The following CYP4A22 variants were observed in gnomAD, a reference collection of about 807,000 sequenced individuals.
CYP4A22 encodes cytochrome P450 4A22.
Under a neutral mutation model 56.2 loss-of-function variants are expected in CYP4A22, and 46 were observed. The observed-to-expected ratio is 0.82, with a 90% confidence interval of 0.65 to 1.05. The LOEUF (loss-of-function observed/expected upper bound fraction) is 1.05. Among genes scored for constraint, CYP4A22 ranks in the 50% least tolerant of loss-of-function variants. The pLI, the probability that CYP4A22 is intolerant of heterozygous loss-of-function variation, is 0.00. For missense variants in CYP4A22, 541 were observed against 645.9 expected, an observed-to-expected ratio of 0.84 and a Z score of 1.76; for synonymous variants, 193 against 251.1, an observed-to-expected ratio of 0.77 and a Z score of 2.19.
Position 47,137,542 on chromosome 1 carries a change from C to A in CYP4A22, c.57C>A (p.Leu19=), listed in dbSNP as rs1644955896. ...SRRLGGVSGI[L]QVTSLLILLL... ...GCCTGGGTGGTGTCTCCGGGATCCT[C>A]CAAGTGACCTCCCTGCTCATTCTGC... The change falls in exon 1 of 12, where the codon CTC becomes CTA. Residue 19 remains leucine (L), a synonymous_variant. Transcript: ENST00000371891. The A allele has an allele frequency of 6.2e-7, 1 of 1,613,912 alleles. No individual in the cohort carries two copies.
intron 4 of CYP4A22, among the ~76,000 whole-genome samples, chr1:47,143,062 G>A (rs1313810517): frequency 6.6e-6 from 1 of 152,226 alleles, no homozygotes. Flanking sequence ...TATTAAAAGT[G>A]TGTGAGAATT....
rs1645031440 is a variant in CYP4A22 at position 47,143,129 on chromosome 1, C to T, written c.511-140C>T. 3 of 1,486,846 alleles carry T rather than the reference C, an allele frequency of 2.0e-6. No homozygotes were observed. The Admixed American group carries it at 6.9e-5, about 34-fold the overall frequency. The allele number at this position is 1,486,846 out of a possible 1,614,324, so 92.1% of individuals were successfully genotyped here. ...TCCCAGTTTCTACAATGCATCTGCT[C>T]TGTAAAGTGAAGAATCCCAACCAAG... On this transcript the variant is annotated intron_variant, in intron 4 of 11. Coordinates refer to ENST00000371891, the MANE Select transcript of CYP4A22 (RefSeq NM_001010969.4).
chr1:47,140,983 C>G (rs773269255), intron 2 of CYP4A22, 62 bp downstream of exon 2: 80 of 1,591,400 alleles, frequency 5.0e-5, no homozygotes, highest in Non-Finnish European at 6.4e-5. Context: ...GCCCCTGGGT[C>G]TGTAAAATTC....
At chr1:47,143,165 G>C in intron 4 of CYP4A22, 104 bp from the exon 5 acceptor site, 1 of 1,527,568 alleles carries the variant, frequency 6.5e-7, no homozygotes, top group Non-Finnish European at 8.8e-7. Flanking sequence ...ATATCTGCAA[G>C]CTACAGGAAA....
At chr1:47,143,056 A>C (rs984544811) in intron 4 of CYP4A22, among the ~76,000 whole-genome samples, 8 of 152,254 alleles carry the variant, frequency 5.3e-5, no homozygotes, top group Non-Finnish European at 1.2e-4. Flanking sequence ...ATGTTGTATT[A>C]AAAGTGTGTG....
At chr1:47,147,040 A>C (rs1412133016) in intron 11 of CYP4A22, 21 of 985,362 alleles carry the variant, frequency 2.1e-5, no homozygotes, top group Non-Finnish European at 2.4e-5. Context: ...CTGCGGTGGA[A>C]ATCATCGTGG....
chr1:47,140,159 A>C (rs1644991814), intron 1 of CYP4A22, among the ~76,000 whole-genome samples: 1 of 152,218 alleles, frequency 6.6e-6, no homozygotes, highest in Admixed American at 6.5e-5. Context: ...GAAAATGAGA[A>C]TAAGAAACCC....
intron 11 of CYP4A22, among the ~76,000 whole-genome samples, chr1:47,147,577 T>C (rs1645089818): frequency 6.6e-6 from 1 of 152,238 alleles, no homozygotes; most frequent in East Asian, 1.9e-4. Flanking sequence ...TCCCTGGTGC[T>C]GTCCGTGGCA....
chr1:47,143,457 G>A (rs1348876510), intron 5 of CYP4A22, 64 bp downstream of exon 5: 1 of 1,509,602 alleles, frequency 6.6e-7, no homozygotes, highest in African/African-American at 1.4e-5. Flanking sequence ...CATACCTGAG[G>A]GGCAGGTGGG....
At position 47,143,307 on chromosome 1, in the gene CYP4A22, G is replaced by A. The variant is rs1291906009; in HGVS notation, c.549G>A (p.Leu183=). The A allele has an allele frequency of 1.9e-6, 3 of 1,613,900 alleles. No individual in the cohort carries two copies. The highest frequency in any genetic ancestry group is 4.5e-5 in the East Asian group (2 of 44,868). Reference sequence around the variant, plus strand: ...AGCTCCTTGGCCAGGATTCCCCTCTGGAGGTCTTTCAGCACGTCTCCTTGA... The same window carrying A: ...AGCTCCTTGGCCAGGATTCCCCTCTAGAGGTCTTTCAGCACGTCTCCTTGA... ...WEELLGQDSP[L]EVFQHVSLMT... Residue 183 remains leucine, a synonymous_variant, in exon 5 of 12, where the codon CTG becomes CTA. Transcript: ENST00000371891.
intron 1 of CYP4A22, among the ~76,000 whole-genome samples, chr1:47,139,129 G>A (rs1253830347): frequency 2.0e-5 from 3 of 152,086 alleles, no homozygotes; most frequent in Non-Finnish European, 2.9e-5. Flanking sequence ...TCAACCTCTA[G>A]GCCTCTGATC....
chr1:47,142,977 C>A (rs1448974289), intron 4 of CYP4A22, among the ~76,000 whole-genome samples: 2 of 152,224 alleles, frequency 1.3e-5, no homozygotes, highest in African/African-American at 2.4e-5. Flanking sequence ...AAAATTTTCA[C>A]AAGCATATGT....
At chr1:47,145,383 T>C (rs1038289680) in intron 9 of CYP4A22, among the ~76,000 whole-genome samples, 1 of 152,320 alleles carries the variant, frequency 6.6e-6, no homozygotes, top group African/African-American at 2.4e-5. Flanking sequence ...GAGCAGCCAA[T>C]GACCAGATCT....
intron 11 of CYP4A22, 109 bp downstream of exon 11, chr1:47,146,262 T>C: frequency 6.3e-7 from 1 of 1,594,556 alleles, no homozygotes; most frequent in Non-Finnish European, 8.6e-7. Flanking sequence ...AGGTGTGCTC[T>C]TAAATATTGG....
At position 47,143,872 on chromosome 1, in the gene CYP4A22, G is replaced by A. The variant is rs1557647941; in HGVS notation, c.746G>A (p.Gly249Asp). Reference sequence around the variant, plus strand: ...ACCATCTACAGCCTGACCTCTGCTGGCCGCTGGACACACCGCGCCTGCCAG... The same window carrying A: ...ACCATCTACAGCCTGACCTCTGCTGACCGCTGGACACACCGCGCCTGCCAG... ...NDTIYSLTSA[G>D]RWTHRACQLA... The change falls in exon 6 of 12, where the codon GGC becomes GAC. Residue 249 changes from glycine (G) to aspartate (D), a missense_variant. Coordinates refer to ENST00000371891, the MANE Select transcript of CYP4A22 (RefSeq NM_001010969.4). 2 of 1,614,008 alleles carry A rather than the reference G, an allele frequency of 1.2e-6. No individual in the cohort carries two copies.
Position 47,143,076 on chromosome 1 carries a change from T to C in CYP4A22, c.511-193T>C, listed in dbSNP as rs375441206. On this transcript the variant is annotated intron_variant, in intron 4 of 11. Coordinates refer to ENST00000371891, the MANE Select transcript of CYP4A22 (RefSeq NM_001010969.4). ...GTATTAAAAGTGTGTGAGAATTAGG[T>C]GTCAGTTTACCAACACTGGCTTTAC... Among the ~76,000 whole-genome samples the C allele has an allele frequency of 7.2e-3, 1,101 of 152,346 alleles. 9 individuals are homozygous for C. Among genetic ancestry groups the C allele is most frequent in the African/African-American group, 0.025 (1,050 of 41,576 alleles).
chr1:47,137,507 C>T lies in CYP4A22; in HGVS notation c.22C>T (p.Pro8Ser), dbSNP rs546712111. 1.2e-6 allele frequency: 2 copies of T among 1,613,638 alleles called. No individual in the cohort carries two copies. The highest frequency in any genetic ancestry group is 3.3e-5 in the Admixed American group (2 of 59,994). The change falls in exon 1 of 12, where the codon CCC becomes TCC. Residue 8 changes from proline to serine, a missense_variant. Around this residue, in one of 3 missense-constraint regions of CYP4A22, gnomAD observed 335 missense variants for 361.2 expected, o/e 0.93. Transcript: ENST00000371891. MSVSVLSPSRRLGGVSGI... is the reference protein window; with the variant it reads MSVSVLSSSRRLGGVSGI... ...CACCATGAGTGTCTCTGTCCTGAGC[C>T]CCAGCAGACGCCTGGGTGGTGTCTC...
chr1:47,145,939 T>C lies in CYP4A22; in HGVS notation c.1287+9T>C. On this transcript the variant is annotated intron_variant, in intron 10 of 11. Coordinates refer to ENST00000371891, the MANE Select transcript of CYP4A22 (RefSeq NM_001010969.4). The stretch of plus-strand genomic sequence containing the variant: ...TGTGGCCCAACCTAGAGGTATGTGG[T>C]CCTTGAGAGGAGGAAATGGGGTGAT... 2 of 1,614,112 alleles carry C rather than the reference T, an allele frequency of 1.2e-6. No homozygotes were observed. The highest frequency in any genetic ancestry group is 1.7e-6 in the Non-Finnish European group (2 of 1,179,998).
rs553048572 is a variant in CYP4A22 at position 47,137,650 on chromosome 1, C to T, written c.165C>T (p.Pro55=). The T allele has an allele frequency of 6.2e-7, 1 of 1,613,286 alleles. No homozygotes were observed. The highest frequency in any genetic ancestry group is 1.3e-5 in the African/African-American group (1 of 75,044). ...LKALQQFPCP[P]SHWLFGHIQE... is the part of the protein sequence containing the mutation. The stretch of plus-strand genomic sequence containing the variant: ...CCCTCCAGCAGTTCCCGTGCCCTCC[C>T]TCCCACTGGCTCTTCGGGCACATCC... Residue 55 remains proline, a synonymous_variant, in exon 1 of 12, where the codon CCC becomes CCT. Transcript: ENST00000371891.
Sources: allele counts gnomAD v4.1 joint callset (sites outside exome capture counted in the v4.1 genomes callset), GRCh38; gene constraint gnomAD v4.1.1; regional missense constraint gnomAD v4.1.1; transcripts MANE v1.5; gene names NCBI Gene and HGNC (gene_info 2026-07-23, HGNC 2026-07-21).